The following SPEF2 variants were observed in gnomAD, a reference collection of about 807,000 sequenced individuals.
SPEF2 encodes the protein sperm flagella and cilia-associated protein 2.
In SPEF2, 187 loss-of-function variants were observed where a neutral mutation model predicts 224.6. The observed-to-expected ratio is 0.83, with a 90% confidence interval of 0.74 to 0.94. The LOEUF (loss-of-function observed/expected upper bound fraction) is 0.94. Among genes scored for constraint, SPEF2 ranks in the 40% least tolerant of loss-of-function variants. The probability of loss-of-function intolerance (pLI) is 0.00; values close to 1 mark genes in which losing one functional copy is unlikely to be tolerated. For synonymous variants in SPEF2, 715 were observed against 707.3 expected (o/e 1.01, Z -0.17); for missense variants, 2,170 against 2,135.6 (o/e 1.02, Z -0.32).
intron 26 of SPEF2, among the ~76,000 whole-genome samples, chr5:35,770,793 T>G (rs2149781059): frequency 6.6e-6 from 1 of 152,222 alleles, no homozygotes; most frequent in Admixed American, 6.5e-5. Context: ...CATTCAGCAC[T>G]TAGAATGAGG....
chr5:35,737,158 G>A (rs114563004), intron 21 of SPEF2, among the ~76,000 whole-genome samples: 4,364 of 151,990 alleles, frequency 0.029, 105 homozygotes, highest in South Asian at 0.054. Context: ...TTAAACTTAC[G>A]TATATTAAAT....
At position 35,644,382 on chromosome 5, in the gene SPEF2, A is replaced by G. The variant is rs1380205743; in HGVS notation, c.442A>G (p.Thr148Ala). The G allele has an allele frequency of 6.3e-7, 1 of 1,599,172 alleles. No individual in the cohort carries two copies. The highest frequency in any genetic ancestry group is 8.5e-7 in the Non-Finnish European group (1 of 1,173,154). ...ACTTAGACACATGATACCACGTCAA[A>G]CTGATTTCAATCTGATGCGGATTAC... ...ERLRHMIPRQ[T>A]DFNLMRITYR... The change falls in exon 4 of 37, where the codon ACT becomes GCT. Residue 148 changes from threonine (T) to alanine (A), a missense_variant. By Grantham distance (58) the Thr-to-Ala change is moderately conservative. Transcript: ENST00000356031.
rs199996012 is a variant in SPEF2, at chr5:35,793,211, G to A, written c.4607G>A (p.Arg1536Gln). 1,593 of 1,614,086 alleles carry A rather than the reference G, an allele frequency of 9.9e-4. 18 individuals carry two copies. Among genetic ancestry groups the A allele is most frequent in the Middle Eastern group, 9.9e-4 (6 of 6,058 alleles). Residue 1536 changes from arginine to glutamine, a missense_variant, in exon 32 of 37, where the codon CGG (arginine) becomes CAG (glutamine). Transcript: ENST00000356031. ...LTVNSEFVDWRKFLLVTSMPW... is the reference protein window; with the variant it reads ...LTVNSEFVDWQKFLLVTSMPW... ...GTCAACTCCGAGTTCGTGGACTGGCGGAAGTTCCTGTTAGTAACCTCAATG... is the reference window on the plus strand; with the variant it reads ...GTCAACTCCGAGTTCGTGGACTGGCAGAAGTTCCTGTTAGTAACCTCAATG...
At chr5:35,779,969 A>G (rs1034747063) in intron 30 of SPEF2, among the ~76,000 whole-genome samples, 2 of 152,178 alleles carry the variant, frequency 1.3e-5, no homozygotes, top group Non-Finnish European at 2.9e-5. Flanking sequence ...ATATTCTTCA[A>G]TGAGTTCTGT....
chr5:35,628,582 TTTG>T lies in SPEF2; in HGVS notation c.161+35_161+37del, dbSNP rs756623452. 273 of 1,517,108 alleles carry T rather than the reference TTTG, an allele frequency of 1.8e-4. No homozygotes were observed. Among genetic ancestry groups the T allele is most frequent in the East Asian group, 4.3e-4 (19 of 44,268 alleles). The allele number at this position is 1,517,108 out of a possible 1,614,324, so 94.0% of individuals were successfully genotyped here. On this transcript the variant is annotated intron_variant, in intron 2 of 36. Coordinates refer to ENST00000356031, the MANE Select transcript of SPEF2 (RefSeq NM_024867.4). ...CAGCAGGTTAGTGAGATTATTCCTT[TTTG>T]TTGTTGTTGTTGTTTATTTGTTTTG...
intron 7 of SPEF2, among the ~76,000 whole-genome samples, chr5:35,656,172 G>A (rs1178962756): frequency 6.6e-6 from 1 of 152,118 alleles, no homozygotes; most frequent in African/African-American, 2.4e-5. Context: ...CAAACTTGGG[G>A]TGGGCAGTGA....
chr5:35,710,973 C>A (rs1040931118), intron 19 of SPEF2: 6 of 767,062 alleles, frequency 7.8e-6, no homozygotes, highest in Non-Finnish European at 9.5e-6. Context: ...CTGTGATGGA[C>A]ATTGATAGGG....
chr5:35,770,128 G>A (rs1405963635), intron 26 of SPEF2, among the ~76,000 whole-genome samples: 1 of 151,708 alleles, frequency 6.6e-6, no homozygotes, highest in Non-Finnish European at 1.5e-5. Flanking sequence ...CGCCTCCCCA[G>A]GGGCAGTTGA....
At chr5:35,640,045 A>T (rs1746387554) in intron 2 of SPEF2, among the ~76,000 whole-genome samples, 1 of 152,214 alleles carries the variant, frequency 6.6e-6, no homozygotes, top group Non-Finnish European at 1.5e-5. Context: ...TGGCCAGTTC[A>T]TAAAATACAT....
intron 10 of SPEF2, among the ~76,000 whole-genome samples, chr5:35,684,428 A>G (rs1343018754): frequency 6.6e-6 from 1 of 152,200 alleles, no homozygotes; most frequent in Non-Finnish European, 1.5e-5. Context: ...TAACCTAAGC[A>G]TTCTGTTCTC....
In SPEF2 at chr5:35,801,300, G is replaced by A. The variant is rs181303954; in HGVS notation, c.5010+1153G>A. Among the ~76,000 whole-genome samples, 1,043 of 152,316 alleles carry A rather than the reference G, an allele frequency of 6.8e-3. 15 individuals carry two copies. Among genetic ancestry groups the A allele is most frequent in the African/African-American group, 0.024 (995 of 41,568 alleles). On this transcript the variant is annotated intron_variant, in intron 34 of 36. Transcript: ENST00000356031. ...GGAGGCCAAGGCGGGTGGCTCACCTGAGGTCAGGAGTTCTAGACCAGCCTG... is the reference window on the plus strand; with the variant it reads ...GGAGGCCAAGGCGGGTGGCTCACCTAAGGTCAGGAGTTCTAGACCAGCCTG...
chr5:35,752,355 C>G (rs375321673), intron 23 of SPEF2, among the ~76,000 whole-genome samples: 55 of 152,264 alleles, frequency 3.6e-4, no homozygotes, highest in African/African-American at 1.3e-3. Context: ...GTGGTGAAGT[C>G]ATGGCTCATT....
intron 34 of SPEF2, among the ~76,000 whole-genome samples, chr5:35,806,081 A>G (rs1758011166): frequency 6.6e-6 from 1 of 152,216 alleles, no homozygotes; most frequent in African/African-American, 2.4e-5. Flanking sequence ...GATAGGATAC[A>G]TAAGAAGAAT....
At chr5:35,725,000 A>G (rs1196800104) in intron 20 of SPEF2, among the ~76,000 whole-genome samples, 1 of 151,986 alleles carries the variant, frequency 6.6e-6, no homozygotes, top group Non-Finnish European at 1.5e-5. Flanking sequence ...AGCTCTACGC[A>G]GAGTAACAGC....
In SPEF2 at chr5:35,777,980, G is replaced by A. The variant is rs891189059; in HGVS notation, c.4218-1137G>A. ...AGTGACCTCCTCTGTCCCCGAGCACGCAACCACCCTAAAAGCATAAACTAA... is the reference window on the plus strand; with the variant it reads ...AGTGACCTCCTCTGTCCCCGAGCACACAACCACCCTAAAAGCATAAACTAA... On this transcript the variant is annotated intron_variant, in intron 29 of 36. Coordinates refer to ENST00000356031, the MANE Select transcript of SPEF2 (RefSeq NM_024867.4). Among the ~76,000 whole-genome samples the A allele has an allele frequency of 3.9e-5, 6 of 152,064 alleles. No homozygotes were observed. The South Asian group carries it at 8.3e-4, about 21-fold the overall frequency.
rs749505902 is a variant in SPEF2 at position 35,659,213 on chromosome 5, T to C, written c.1167+6T>C. On this transcript the variant is annotated splice_donor_region_variant and intron_variant, in intron 8 of 36. Coordinates refer to ENST00000356031, the MANE Select transcript of SPEF2 (RefSeq NM_024867.4). ...ATGCTCTTGATCGAGAAGCGGTAAA[T>C]ACCATCTTCCTTAGAAATCTTTCTA... 5 of 1,588,202 alleles carry C rather than the reference T, an allele frequency of 3.1e-6. No individual in the cohort carries two copies. The African/African-American group carries it at 6.8e-5, about 21-fold the overall frequency.
At position 35,691,244 on chromosome 5, in the gene SPEF2, T is replaced by C. The variant is rs1472358744; in HGVS notation, c.1732T>C (p.Ser578Pro). 6.2e-7 allele frequency: 1 copy of C among 1,613,422 alleles called. No individual in the cohort carries two copies. Among genetic ancestry groups the C allele is most frequent in the Non-Finnish European group, 8.5e-7 (1 of 1,179,618 alleles). The change falls in exon 11 of 37, where the codon TCT becomes CCT. Residue 578 changes from serine (S) to proline (P), a missense_variant. Physicochemically the swap from Ser to Pro is moderately conservative, Grantham distance 74. Transcript: ENST00000356031. ...AAGTGGAAAAACTACCATTTTAAGGTCTCTACAAAAAGGTAGAATTTCTTC... is the reference window on the plus strand; with the variant it reads ...AAGTGGAAAAACTACCATTTTAAGGCCTCTACAAAAAGGTAGAATTTCTTC... ...TLSGKTTILR[S>P]LQKDFPIQIL...
Position 35,770,685 on chromosome 5 carries a change from GT to G in SPEF2, c.3802-919del, listed in dbSNP as rs147919271. The stretch of plus-strand genomic sequence containing the variant: ...TTCGTCTGTGTTGTCATGGGACAAG[GT>G]TTTTCTGCTGCCTGAAGTGCAGAGC... On this transcript the variant is annotated intron_variant, in intron 26 of 36. Coordinates refer to ENST00000356031, the MANE Select transcript of SPEF2 (RefSeq NM_024867.4). Among the ~76,000 whole-genome samples, 408 of 152,314 alleles carry G rather than the reference GT, an allele frequency of 2.7e-3. 7 individuals are homozygous for G. The East Asian group carries it at 0.028, about 11-fold the overall frequency.
At position 35,640,279 on chromosome 5, in the gene SPEF2, A is replaced by G. The variant is rs116434099; in HGVS notation, c.162-1152A>G. Among the ~76,000 whole-genome samples the G allele has an allele frequency of 4.2e-3, 633 of 152,278 alleles. 2 individuals are homozygous for G. Among genetic ancestry groups the G allele is most frequent in the African/African-American group, 0.013 (561 of 41,566 alleles). On this transcript the variant is annotated intron_variant, in intron 2 of 36. Transcript: ENST00000356031. ...GTAGCCCAAGGTTATAACCCAGACC[A>G]AAGCTCTGACAGATGGCTCTCAGTT... is the stretch of plus-strand genomic sequence containing the variant.
Sources: gnomAD v4.1 joint callset for allele counts (sites outside exome capture counted in the v4.1 genomes callset) on GRCh38, gnomAD v4.1.1 for gene constraint, MANE v1.5 for transcripts, NCBI Gene and HGNC (gene_info 2026-07-23, HGNC 2026-07-21) for gene names.